FAM53A: variants seen among roughly 807,000 people sequenced by gnomAD.
The protein encoded by FAM53A is protein FAM53A.
In FAM53A, 28 loss-of-function variants were observed where a neutral mutation model predicts 26.6. The observed-to-expected ratio is 1.05, with a 90% confidence interval of 0.78 to 1.45. FAM53A has a LOEUF of 1.45. Among genes scored for constraint, FAM53A ranks in the 40% most tolerant of loss-of-function variants. The pLI, the probability that FAM53A is intolerant of heterozygous loss-of-function variation, is 0.00. For synonymous variants in FAM53A, 290 were observed against 253.1 expected, an observed-to-expected ratio of 1.15 and a Z score of -1.38; for missense variants, 650 against 575.8, an observed-to-expected ratio of 1.13 and a Z score of -1.32.
intron 1 of FAM53A, among the ~76,000 whole-genome samples, chr4:1,634,087 C>T (rs141684660): frequency 3.3e-5 from 5 of 152,070 alleles, no homozygotes; most frequent in South Asian, 2.1e-4. Flanking sequence ...AGAGGGAGTG[C>T]GGGGTTTGCA....
chr4:1,588,221 A>C, the FAM53A span, among the ~76,000 whole-genome samples: 1 of 152,196 alleles, frequency 6.6e-6, no homozygotes, highest in Non-Finnish European at 1.5e-5. Context: ...TTGTTTCAAC[A>C]CTGTTGTGGT....
chr4:1,632,027 G>A (rs1321972024), intron 1 of FAM53A, among the ~76,000 whole-genome samples: 2 of 152,078 alleles, frequency 1.3e-5, no homozygotes, highest in African/African-American at 2.4e-5. Flanking sequence ...ATAGGGGTGT[G>A]GTGGCACGTG....
chr4:1,670,016 A>G (rs1350332582), intron 1 of FAM53A, among the ~76,000 whole-genome samples: 1 of 152,174 alleles, frequency 6.6e-6, no homozygotes, highest in Non-Finnish European at 1.5e-5. Context: ...CCACCAATGA[A>G]GGCAACCCGT....
chr4:1,587,154 G>T, the FAM53A span, among the ~76,000 whole-genome samples: 1 of 152,104 alleles, frequency 6.6e-6, no homozygotes, highest in African/African-American at 2.4e-5. Flanking sequence ...TCATCAGATG[G>T]GCAGTTTATA....
chr4:1,593,758 TTGTCCCTC>T, the FAM53A span, among the ~76,000 whole-genome samples: 1 of 152,064 alleles, frequency 6.6e-6, no homozygotes, highest in Non-Finnish European at 1.5e-5. Context: ...GACAATTCAC[TTGTCCCTC>T]TGCCCTGCCG....
intron 1 of FAM53A, among the ~76,000 whole-genome samples, chr4:1,624,588 T>C (rs1020617544): frequency 8.5e-5 from 13 of 152,150 alleles, no homozygotes; most frequent in South Asian, 4.1e-4. Flanking sequence ...TGGAGACATC[T>C]ACATCCTCAA....
chr4:1,598,483 G>C, the FAM53A span, among the ~76,000 whole-genome samples: 4 of 152,220 alleles, frequency 2.6e-5, no homozygotes, highest in Non-Finnish European at 1.5e-5. Context: ...GAAAGGAAGT[G>C]GGTAAGACAG....
chr4:1,648,045 A>T (rs1423389727), intron 4 of FAM53A, among the ~76,000 whole-genome samples: 1 of 152,074 alleles, frequency 6.6e-6, no homozygotes, highest in African/African-American at 2.4e-5. Context: ...TCTGTCTCTT[A>T]AAAAATTGAG....
At chr4:1,607,813 G>GCAA in the FAM53A span, among the ~76,000 whole-genome samples, 2 of 152,122 alleles carry the variant, frequency 1.3e-5, no homozygotes, top group Non-Finnish European at 2.9e-5. Context: ...GGAGGCGTGT[G>GCAA]CCTGTAATCC....
intron 4 of FAM53A, chr4:1,644,518 C>A: frequency 1.2e-6 from 1 of 830,076 alleles, no homozygotes; most frequent in Admixed American, 3.0e-5. Context: ...AACCGAGGCC[C>A]ACGGGGCCGA....
At chr4:1,611,701 G>A in the FAM53A span, among the ~76,000 whole-genome samples, 2 of 152,226 alleles carry the variant, frequency 1.3e-5, no homozygotes, top group South Asian at 2.1e-4. Context: ...CTGTCCACAC[G>A]GTGGGCAAGG....
chr4:1,624,674 G>T (rs78209002), intron 1 of FAM53A, among the ~76,000 whole-genome samples: 2 of 152,198 alleles, frequency 1.3e-5, no homozygotes, highest in African/African-American at 2.4e-5. Context: ...CCGCCACCAC[G>T]CCAGGTACCG....
In FAM53A at chr4:1,618,935, ACACAG is replaced by A. The variant is rs1165134660; in HGVS notation, c.432-829_432-825del. Among the ~76,000 whole-genome samples, 4 of 152,200 alleles carry A rather than the reference ACACAG, an allele frequency of 2.6e-5. No individual in the cohort carries two copies. The South Asian group carries it at 8.3e-4, about 32-fold the overall frequency. Reference sequence around the variant, plus strand: ...GGCAGCCACAAGCTCACCTCAGTGAACACAGCACAGAAACACATCAACCTGCACCC... The same window carrying A: ...GGCAGCCACAAGCTCACCTCAGTGAACACAGAAACACATCAACCTGCACCC... On this transcript the variant is annotated intron_variant, in intron 1 of 1. Coordinates refer to the FAM53A transcript ENST00000489029.
intron 1 of FAM53A, among the ~76,000 whole-genome samples, chr4:1,682,097 G>A (rs938829611): frequency 6.6e-6 from 1 of 152,184 alleles, no homozygotes; most frequent in African/African-American, 2.4e-5. Context: ...AGGCTCCAAG[G>A]AATCAGATTA....
the FAM53A span, among the ~76,000 whole-genome samples, chr4:1,601,210 G>A: frequency 6.6e-6 from 1 of 152,136 alleles, no homozygotes; most frequent in African/African-American, 2.4e-5. Context: ...ACCTCCCAGG[G>A]GACCCCTGGA....
downstream of FAM53A, among the ~76,000 whole-genome samples, chr4:1,636,189 C>T (rs1050260992): frequency 2.6e-5 from 4 of 152,116 alleles, no homozygotes; most frequent in Admixed American, 2.0e-4. Context: ...TGCTTTCTGG[C>T]CTATAAATAG....
chr4:1,654,606 G>C (rs1410434889), intron 4 of FAM53A, among the ~76,000 whole-genome samples: 6 of 152,212 alleles, frequency 3.9e-5, no homozygotes, highest in Non-Finnish European at 8.8e-5. Context: ...GTTACTTCCT[G>C]AGCCATCACC....
At chr4:1,611,580 C>T in the FAM53A span, among the ~76,000 whole-genome samples, 2 of 152,256 alleles carry the variant, frequency 1.3e-5, no homozygotes, top group African/African-American at 4.8e-5. Flanking sequence ...GCTGGGCCTC[C>T]AGACACAGGC....
chr4:1,599,897 G>A, the FAM53A span, among the ~76,000 whole-genome samples: 54 of 152,198 alleles, frequency 3.5e-4, no homozygotes, highest in African/African-American at 1.3e-3. This position sits in a 1 kb window ranked among gnomAD's most constrained non-coding sequence, Gnocchi z 6.1. Context: ...GCGCTGTGGC[G>A]GTCCCTTGGG....
Sources: gnomAD v4.1 joint callset for allele counts (sites outside exome capture counted in the v4.1 genomes callset) on GRCh38, gnomAD v4.1.1 for gene constraint, Gnocchi (gnomAD v3.1) non-coding constraint, MANE v1.5 for transcripts, NCBI Gene and HGNC (gene_info 2026-07-23, HGNC 2026-07-21) for gene names.